MYT1L: variants seen among roughly 807,000 people sequenced by gnomAD.
MYT1L encodes the protein myelin transcription factor 1-like protein.
Under a neutral mutation model 126.7 loss-of-function variants are expected in MYT1L, and 12 were observed. The ratio of observed to expected loss-of-function variants is 0.09; its 90% CI spans 0.06 to 0.15. The LOEUF is 0.15. Ranked by LOEUF, MYT1L falls within the 10% of genes least tolerant of loss-of-function variation. The pLI is 1.00. For missense variants in MYT1L, 979 were observed against 1,585.2 expected (o/e 0.62, Z 6.49); for synonymous variants, 541 against 604.2 (o/e 0.90, Z 1.53).
At chr2:2,117,835 A>G (rs1042987526) in intron 3 of MYT1L, among the ~76,000 whole-genome samples, 4 of 152,138 alleles carry the variant, frequency 2.6e-5, no homozygotes, top group Admixed American at 1.3e-4. Context: ...ACAACCCCCA[A>G]AATAATGAGA....
At chr2:1,935,889 T>C (rs1296310320) in intron 9 of MYT1L, among the ~76,000 whole-genome samples, 4 of 152,052 alleles carry the variant, frequency 2.6e-5, no homozygotes, top group South Asian at 2.1e-4. Flanking sequence ...CTAAAAGGAG[T>C]TTCCCCAGGA....
chr2:1,927,616 A>G (rs1158087890), intron 9 of MYT1L, among the ~76,000 whole-genome samples: 2 of 152,178 alleles, frequency 1.3e-5, no homozygotes, highest in Non-Finnish European at 2.9e-5. Context: ...TCACTGACAC[A>G]GGACCCAGGC....
chr2:2,093,741 T>C (rs1474703978), intron 3 of MYT1L, among the ~76,000 whole-genome samples: 1 of 152,200 alleles, frequency 6.6e-6, no homozygotes, highest in East Asian at 1.9e-4. Context: ...TTGCTTTCGG[T>C]GTTTTAGACG....
Position 1,801,567 on chromosome 2 carries a change from G to T in MYT1L, c.3276+129C>A. On this transcript the variant is annotated intron_variant, in intron 23 of 24. Coordinates refer to ENST00000647738, the MANE Select transcript of MYT1L (RefSeq NM_001303052.2). The surrounding 1 kb of genome is among the most constrained non-coding windows in gnomAD (Gnocchi z 4.2). ...TGCGGAAGACCAATATCATAAGGTG[G>T]AAAAATAAAGGAAATAAAAGAGCAA... is the stretch of plus-strand genomic sequence containing the variant. 1.5e-6 allele frequency: 1 copy of T among 656,738 alleles called. No homozygotes were observed. The allele number at this position is 656,738 out of a possible 1,614,324, so 40.7% of individuals were successfully genotyped here. A position where few individuals can be genotyped will look rare whatever the true frequency, so the allele number is the denominator to read the frequency against.
In MYT1L at chr2:1,889,251, T is replaced by A; in HGVS notation, c.2510A>T (p.Lys837Ile). The A allele has an allele frequency of 6.2e-7, 1 of 1,613,870 alleles. No homozygotes were observed. The highest frequency in any genetic ancestry group is 8.5e-7 in the Non-Finnish European group (1 of 1,179,814). ...KPRRIDEDES[K>I]DITPEDLDPF... ...ATGAAAAGGACATACAGTAATGTCT[T>A]TGGACTCGTCCTCGTCTATCCTCCG... The change falls in exon 16 of 25, where the codon AAA (lysine) becomes ATA (isoleucine). Residue 837 changes from lysine (K) to isoleucine (I), a missense_variant. By Grantham distance (102) the Lys-to-Ile change is moderately radical (BLOSUM62 -3). Coordinates refer to ENST00000647738, the MANE Select transcript of MYT1L (RefSeq NM_001303052.2). This position sits in a 1 kb window ranked among gnomAD's most constrained non-coding sequence, Gnocchi z 4.1.
At chr2:1,916,471 G>A (rs2052846028) in intron 11 of MYT1L, among the ~76,000 whole-genome samples, 1 of 152,104 alleles carries the variant, frequency 6.6e-6, no homozygotes, top group Non-Finnish European at 1.5e-5. Flanking sequence ...TCTTTTCCCT[G>A]AACCATCAAT....
At chr2:2,026,445 C>T (rs530683000) in intron 4 of MYT1L, among the ~76,000 whole-genome samples, 7 of 152,298 alleles carry the variant, frequency 4.6e-5, no homozygotes, top group East Asian at 1.9e-4. Flanking sequence ...AGGGGTGGCC[C>T]GGGCCGAGGG....
chr2:1,972,078 C>G (rs2059852362), intron 8 of MYT1L, among the ~76,000 whole-genome samples: 1 of 152,148 alleles, frequency 6.6e-6, no homozygotes, highest in African/African-American at 2.4e-5. Flanking sequence ...CACAATGTGT[C>G]TCATAAAGAA....
At chr2:2,018,564 G>C (rs1191872576) in intron 4 of MYT1L, among the ~76,000 whole-genome samples, 1 of 152,222 alleles carries the variant, frequency 6.6e-6, no homozygotes, top group African/African-American at 2.4e-5. Context: ...GGCCCGGCCA[G>C]GCCGCTCATC....
intron 21 of MYT1L, among the ~76,000 whole-genome samples, chr2:1,821,350 CTT>C (rs1243454087): frequency 6.6e-6 from 1 of 152,090 alleles, no homozygotes. Context: ...TTTCTCATCT[CTT>C]TATAATTTAT....
intron 4 of MYT1L, among the ~76,000 whole-genome samples, chr2:2,004,255 AGG>A (rs2062824911): frequency 7.2e-6 from 1 of 138,548 alleles, no homozygotes. Context: ...TCTTTCCTGC[AGG>A]CGTTCTTTCC....
intron 4 of MYT1L, among the ~76,000 whole-genome samples, chr2:2,030,372 C>T (rs928118017): frequency 3.3e-5 from 5 of 152,208 alleles, no homozygotes; most frequent in Non-Finnish European, 7.3e-5. Context: ...GCTGGGATTA[C>T]AGGCAGGAGT....
At chr2:2,275,756 G>A (rs984596531) in intron 2 of MYT1L, among the ~76,000 whole-genome samples, 2 of 152,132 alleles carry the variant, frequency 1.3e-5, no homozygotes, top group Non-Finnish European at 2.9e-5. Flanking sequence ...ACACTTCAAT[G>A]AACTTTGCAT....
intron 2 of MYT1L, among the ~76,000 whole-genome samples, chr2:2,264,613 A>C (rs964895551): frequency 2.1e-4 from 32 of 152,172 alleles, no homozygotes; most frequent in Non-Finnish European, 4.3e-4. Flanking sequence ...CAAGCTGCTC[A>C]GAGCCATGGT....
At chr2:1,840,709 G>C in intron 20 of MYT1L, 51 bp downstream of exon 20, 2 of 1,325,246 alleles carry the variant, frequency 1.5e-6, no homozygotes, top group East Asian at 2.5e-5. Flanking sequence ...TGAATGCCTC[G>C]TCCCCACATG....
intron 19 of MYT1L, among the ~76,000 whole-genome samples, chr2:1,850,043 C>G (rs1392660769): frequency 7.0e-6 from 1 of 142,522 alleles, no homozygotes; most frequent in Admixed American, 6.8e-5. Context: ...AGGGGGGGGC[C>G]ATTATCCACT....
intron 18 of MYT1L, among the ~76,000 whole-genome samples, chr2:1,866,799 G>A (rs1307092169): frequency 1.3e-5 from 1 of 78,290 alleles, no homozygotes; most frequent in Non-Finnish European, 2.8e-5. Flanking sequence ...GAGAGAGAGA[G>A]GCAGAGAAGG....
At chr2:2,248,765 C>G (rs756911059) in intron 2 of MYT1L, among the ~76,000 whole-genome samples, 4 of 152,022 alleles carry the variant, frequency 2.6e-5, no homozygotes, top group Non-Finnish European at 5.9e-5. Flanking sequence ...GAATGAAGGA[C>G]AAAAACCATA....
chr2:2,264,464 T>C (rs1044222562), intron 2 of MYT1L, among the ~76,000 whole-genome samples: 3 of 152,026 alleles, frequency 2.0e-5, no homozygotes, highest in Admixed American at 6.6e-5. Context: ...AGTTACTTTA[T>C]ATAGGAATGA....
Sources: gnomAD v4.1 joint callset for allele counts (sites outside exome capture counted in the v4.1 genomes callset) on GRCh38, gnomAD v4.1.1 for gene constraint, Gnocchi (gnomAD v3.1) non-coding constraint, MANE v1.5 for transcripts, NCBI Gene and HGNC (gene_info 2026-07-23, HGNC 2026-07-21) for gene names.